RBAK: variants seen among roughly 807,000 people sequenced by gnomAD.
The protein encoded by RBAK is RB associated KRAB zinc finger.
In RBAK, 39 loss-of-function variants were observed where a neutral mutation model predicts 65.8. The ratio of observed to expected loss-of-function variants is 0.59; its 90% CI spans 0.46 to 0.77. The LOEUF (loss-of-function observed/expected upper bound fraction) is 0.77, where lower values mean the gene tolerates loss of function less well. Ranked by LOEUF, RBAK falls within the 30% of genes least tolerant of loss-of-function variation. The pLI is 0.00. For synonymous variants in RBAK, 343 were observed against 289.7 expected (o/e 1.18, Z -1.87); for missense variants, 884 against 855.1 (o/e 1.03, Z -0.42).
In RBAK at chr7:5,057,763, A is replaced by T; in HGVS notation, c.222A>T (p.Pro74=). Residue 74 remains proline, a synonymous_variant, in exon 4 of 5, where the codon CCA becomes CCT. Coordinates refer to ENST00000396912, the MANE Select transcript of RBAK (RefSeq NM_021163.4). ...EEPWIMGGEF[P]CQHSPEAWRV... is the part of the protein sequence containing the mutation. ...CGTGGATAATGGGAGGTGAATTTCC[A>T]TGTCAACATAGTCCAGGTAAGTTAG... The T allele has an allele frequency of 2.5e-6, 4 of 1,613,906 alleles. No individual in the cohort carries two copies. Among genetic ancestry groups the T allele is most frequent in the South Asian group, 1.1e-5 (1 of 91,078 alleles).
intron 1 of RBAK, among the ~76,000 whole-genome samples, chr7:5,047,596 ACT>A (rs1788018609): frequency 9.7e-6 from 1 of 102,896 alleles, no homozygotes; most frequent in African/African-American, 3.8e-5. Context: ...ACTCTTTTTC[ACT>A]CTCTTTTTTT....
In RBAK at chr7:5,067,068, C is replaced by T. The variant is rs1285102204; in HGVS notation, c.*1467C>T. 6.6e-6 allele frequency: 1 copy of T among 152,124 alleles called. No individual in the cohort carries two copies. The highest frequency in any genetic ancestry group is 2.4e-5 in the African/African-American group (1 of 41,432). 9.4% of individuals were successfully genotyped at this position (152,124 alleles called of 1,614,324 possible). A position where few individuals can be genotyped will look rare whatever the true frequency, so the allele number is the denominator to read the frequency against. Reference sequence around the variant, plus strand: ...GGACTTACTTAACTGCATAAAGAGACTTAAACTACAACAAACAATATGCTT... The same window carrying T: ...GGACTTACTTAACTGCATAAAGAGATTTAAACTACAACAAACAATATGCTT... On this transcript the variant is annotated 3_prime_UTR_variant, in exon 5 of 5. Transcript: ENST00000396912.
chr7:5,063,122 C>A (rs1392185024), intron 4 of RBAK, among the ~76,000 whole-genome samples: 1 of 152,198 alleles, frequency 6.6e-6, no homozygotes, highest in Non-Finnish European at 1.5e-5. Context: ...TCCGTGAAAT[C>A]TTCACAATTT....
chr7:5,064,068 C>G lies in RBAK; in HGVS notation c.612C>G (p.Pro204=), dbSNP rs140224614. 2.5e-4 allele frequency: 407 copies of G among 1,613,540 alleles called. No individual in the cohort carries two copies. Among genetic ancestry groups the G allele is most frequent in the Non-Finnish European group, 3.3e-4 (389 of 1,179,940 alleles). The change falls in exon 5 of 5, where the codon CCC becomes CCG. Residue 204 remains proline, a synonymous_variant. Coordinates refer to ENST00000396912, the MANE Select transcript of RBAK (RefSeq NM_021163.4). This position sits in a 1 kb window ranked among gnomAD's most constrained non-coding sequence, Gnocchi z 6.3. ...ILQKISILEK[P]FEYNECMEAL... is the part of the protein sequence containing the mutation. ...AGAAAATTAGTATTTTGGAGAAACCCTTTGAATATAATGAATGCATGGAAG... is the reference window on the plus strand; with the variant it reads ...AGAAAATTAGTATTTTGGAGAAACCGTTTGAATATAATGAATGCATGGAAG...
intron 2 of RBAK, among the ~76,000 whole-genome samples, chr7:5,053,001 C>G (rs1385599845): frequency 2.6e-5 from 4 of 152,126 alleles, no homozygotes; most frequent in African/African-American, 9.7e-5. Flanking sequence ...CTCAGGTGAC[C>G]TGTCTGCCTC....
At chr7:5,050,739 G>A (rs909645561) in intron 2 of RBAK, among the ~76,000 whole-genome samples, 5 of 151,902 alleles carry the variant, frequency 3.3e-5, no homozygotes, top group Admixed American at 6.6e-5. Context: ...AATGCCCAGC[G>A]AATTTTTTAA....
intron 4 of RBAK, among the ~76,000 whole-genome samples, chr7:5,059,492 T>G (rs1779016411): frequency 6.6e-6 from 1 of 152,124 alleles, no homozygotes; most frequent in Admixed American, 6.5e-5. Context: ...TGGCTAATTT[T>G]TATATTTTTA....
At position 5,046,235 on chromosome 7, in the gene RBAK, C is replaced by G. The variant is rs778358262; in HGVS notation, c.-206C>G. 1 of 510,650 alleles carries G rather than the reference C, an allele frequency of 2.0e-6. No homozygotes were observed. Among genetic ancestry groups the G allele is most frequent in the Middle Eastern group, 6.5e-4 (1 of 1,536 alleles). The allele number at this position is 510,650 out of a possible 1,614,324, so 31.6% of individuals were successfully genotyped here. A position where few individuals can be genotyped will look rare whatever the true frequency, so the allele number is the denominator to read the frequency against. ...GGATCTGGGTCCCGGGAAGGACACCCGCCTGGATTTGCCCCTTAGGCCCGG... is the reference window on the plus strand; with the variant it reads ...GGATCTGGGTCCCGGGAAGGACACCGGCCTGGATTTGCCCCTTAGGCCCGG... On this transcript the variant is annotated 5_prime_UTR_variant, in exon 1 of 5. Coordinates refer to ENST00000396912, the MANE Select transcript of RBAK (RefSeq NM_021163.4).
chr7:5,063,346 T>A lies in RBAK; in HGVS notation c.239-349T>A, dbSNP rs1432532353. Among the ~76,000 whole-genome samples the A allele has an allele frequency of 2.0e-5, 3 of 152,204 alleles. No homozygotes were observed. In the East Asian group the frequency reaches 5.8e-4, roughly 29 times the overall value. On this transcript the variant is annotated intron_variant, in intron 4 of 4. Transcript: ENST00000396912. ...GACGTACTTTCAACCACTTCTCTGC[T>A]CATCATTTGGTTTTATTTCACCTTT...
intron 2 of RBAK, among the ~76,000 whole-genome samples, chr7:5,056,054 T>C (rs2115034295): frequency 6.6e-6 from 1 of 151,912 alleles, no homozygotes; most frequent in Non-Finnish European, 1.5e-5. Flanking sequence ...CCCAACACTT[T>C]GGGAGGCCAA....
At position 5,057,780 on chromosome 7, in the gene RBAK, G is replaced by A; in HGVS notation, c.238+1G>A. On this transcript the variant is annotated splice_donor_variant, in intron 4 of 4. Transcript: ENST00000396912. LOFTEE classifies it high-confidence loss of function. ...GAATTTCCATGTCAACATAGTCCAGGTAAGTTAGTAGCGTATCAAAGGTTA... is the reference window on the plus strand; with the variant it reads ...GAATTTCCATGTCAACATAGTCCAGATAAGTTAGTAGCGTATCAAAGGTTA... 1 of 1,613,852 alleles carries A rather than the reference G, an allele frequency of 6.2e-7. No homozygotes were observed. Among genetic ancestry groups the A allele is most frequent in the African/African-American group, 1.3e-5 (1 of 75,022 alleles).
chr7:5,064,785 C>T lies in RBAK; in HGVS notation c.1329C>T (p.Tyr443=). The T allele has an allele frequency of 1.2e-6, 2 of 1,613,980 alleles. No individual in the cohort carries two copies. The highest frequency in any genetic ancestry group is 1.3e-5 in the African/African-American group (1 of 75,046). The part of the protein sequence containing the change: ...ECGKFFSRVS[Y]LTIHYRSHLE... ...GGAAATTCTTTTCTCGGGTGTCATA[C>T]CTCACTATACATTATAGAAGTCATT... The change falls in exon 5 of 5, where the codon TAC becomes TAT. Residue 443 remains tyrosine, a synonymous_variant. Coordinates refer to ENST00000396912, the MANE Select transcript of RBAK (RefSeq NM_021163.4). This position sits in a 1 kb window ranked among gnomAD's most constrained non-coding sequence, Gnocchi z 6.3.
chr7:5,055,062 G>A (rs1341399457), intron 2 of RBAK, among the ~76,000 whole-genome samples: 3 of 152,170 alleles, frequency 2.0e-5, no homozygotes, highest in East Asian at 3.9e-4. Flanking sequence ...GATTACAGGC[G>A]TGAGCCACCG....
At chr7:5,063,641 C>G in intron 4 of RBAK, 54 bp from the exon 5 acceptor site, 2 of 1,388,938 alleles carry the variant, frequency 1.4e-6, no homozygotes, top group East Asian at 2.5e-5. Context: ...CAGTACCTTT[C>G]CATAGCTAGT....
At position 5,064,431 on chromosome 7, in the gene RBAK, C is replaced by G; in HGVS notation, c.975C>G (p.Thr325=). The G allele has an allele frequency of 1.9e-6, 3 of 1,614,076 alleles. No homozygotes were observed. The highest frequency in any genetic ancestry group is 2.5e-6 in the Non-Finnish European group (3 of 1,179,990). The stretch of plus-strand genomic sequence containing the variant: ...ATAAATGTAATGAATGTGGGAAAAC[C>G]TTTTGTCAGAAGTTACACCTCACTC... ...KPYKCNECGK[T]FCQKLHLTQH... The change falls in exon 5 of 5, where the codon ACC becomes ACG. Residue 325 remains threonine (T), a synonymous_variant. Coordinates refer to ENST00000396912, the MANE Select transcript of RBAK (RefSeq NM_021163.4). The surrounding 1 kb of genome is among the most constrained non-coding windows in gnomAD (Gnocchi z 6.3).
At chr7:5,052,724 TTAATTA>T (rs1177993856) in intron 2 of RBAK, among the ~76,000 whole-genome samples, 1 of 151,140 alleles carries the variant, frequency 6.6e-6, no homozygotes, top group East Asian at 1.9e-4. Flanking sequence ...TACGTTGTTG[TTAATTA>T]AACAGTTATC....
intron 4 of RBAK, among the ~76,000 whole-genome samples, chr7:5,059,408 C>A (rs566039938): frequency 6.6e-6 from 1 of 152,038 alleles, no homozygotes; most frequent in Non-Finnish European, 1.5e-5. Flanking sequence ...GCAGCCTCCC[C>A]CTCCCAGGTT....
chr7:5,060,328 T>G (rs1159354484), intron 4 of RBAK, among the ~76,000 whole-genome samples: 1 of 152,212 alleles, frequency 6.6e-6, no homozygotes, highest in Non-Finnish European at 1.5e-5. Context: ...GGGGTTAGAT[T>G]AGAACCTGTA....
At chr7:5,046,530 A>G in intron 1 of RBAK, 134 bp downstream of exon 1, 1 of 357,906 alleles carries the variant, frequency 2.8e-6, no homozygotes, top group South Asian at 2.1e-5. Context: ...GTTTGAGGGC[A>G]GGGTCCGGCT....
Sources: gnomAD v4.1 joint callset for allele counts (sites outside exome capture counted in the v4.1 genomes callset) on GRCh38, gnomAD v4.1.1 for gene constraint, Gnocchi (gnomAD v3.1) non-coding constraint, MANE v1.5 for transcripts, NCBI Gene and HGNC (gene_info 2026-07-23, HGNC 2026-07-21) for gene names.